Variants in ZNF883 observed in about 807,000 individuals in gnomAD.
The protein encoded by ZNF883 is zinc finger protein 883.
At chr9:112,996,033 T>C (rs1170611698), downstream of ZNF883, among the ~76,000 whole-genome samples, 1 of 152,166 alleles carries the variant, frequency 6.6e-6, no homozygotes, top group East Asian at 1.9e-4. Context: ...GAATTCAATG[T>C]ATAATTTTTG....
At chr9:112,991,315 C>A (rs1054925623) in intron 1 of ZNF883, among the ~76,000 whole-genome samples, 1 of 152,084 alleles carries the variant, frequency 6.6e-6, no homozygotes, top group Non-Finnish European at 1.5e-5. Context: ...TTTCAAAAAA[C>A]AATTTGATTT....
At chr9:112,997,963 A>G (rs774875440) in exon 1 of ZNF883, 3 of 1,613,816 alleles carry the variant, frequency 1.9e-6, no homozygotes, top group Non-Finnish European at 2.5e-6. Flanking sequence ...CACATTCATT[A>G]CACTCATAAG....
exon 1 of ZNF883, chr9:112,997,468 G>A: frequency 2.5e-6 from 4 of 1,614,046 alleles, no homozygotes; most frequent in South Asian, 1.1e-5. Flanking sequence ...TACAAACATA[G>A]GGCTTCTCTC....
At chr9:112,991,814 G>T (rs1828306184) in intron 1 of ZNF883, among the ~76,000 whole-genome samples, 1 of 152,168 alleles carries the variant, frequency 6.6e-6, no homozygotes, top group South Asian at 2.1e-4. Context: ...TTGTTGAATT[G>T]AATCCTTTAC....
chr9:113,011,648 A>G (rs761492710), intron 1 of ZNF883, among the ~76,000 whole-genome samples: 2 of 152,212 alleles, frequency 1.3e-5, no homozygotes, highest in African/African-American at 2.4e-5. Context: ...GAAACAAGCT[A>G]TCTCTAGAGA....
chr9:113,004,861 G>A, intron 2 of ZNF883, among the ~76,000 whole-genome samples: 1 of 150,872 alleles, frequency 6.6e-6, no homozygotes, highest in Non-Finnish European at 1.5e-5. Context: ...AGTGGCACAG[G>A]GATAGACTGA....
downstream of ZNF883, among the ~76,000 whole-genome samples, chr9:112,996,678 C>A (rs1276067525): frequency 6.7e-6 from 1 of 149,352 alleles, no homozygotes; most frequent in Non-Finnish European, 1.5e-5. Context: ...GTAGTCCCAG[C>A]TACTCGGGAG....
At chr9:112,991,420 C>T (rs1193948184) in intron 1 of ZNF883, among the ~76,000 whole-genome samples, 1 of 151,984 alleles carries the variant, frequency 6.6e-6, no homozygotes, top group Non-Finnish European at 1.5e-5. Flanking sequence ...ATCTTGTGTT[C>T]TAATTTGATT....
At chr9:112,990,443 C>CT (rs1828290966) in intron 1 of ZNF883, among the ~76,000 whole-genome samples, 1 of 152,174 alleles carries the variant, frequency 6.6e-6, no homozygotes, top group Admixed American at 6.5e-5. Context: ...TTGAATCAAC[C>CT]TTGCATCCCA....
chr9:113,002,085 A>G (rs1277400951), upstream of ZNF883: 1 of 152,204 alleles, frequency 6.6e-6, no homozygotes, highest in Non-Finnish European at 1.5e-5. Flanking sequence ...TAAAACATCA[A>G]ACAAGTACCT....
exon 1 of ZNF883, chr9:112,997,853 T>TG: frequency 6.2e-7 from 1 of 1,613,364 alleles, no homozygotes; most frequent in Non-Finnish European, 8.5e-7. Context: ...GGCAGAGATA[T>TG]GGCTGAAAGC....
chr9:112,992,856 A>G (rs1399564166), downstream of ZNF883, among the ~76,000 whole-genome samples: 2 of 151,940 alleles, frequency 1.3e-5, no homozygotes, highest in Admixed American at 6.6e-5. Context: ...TCTCCAGTCT[A>G]TTTGGTTATT....
At chr9:112,997,109 TC>T, downstream of ZNF883, 1 of 1,576,190 alleles carries the variant, frequency 6.3e-7, no homozygotes, top group African/African-American at 1.3e-5. Context: ...CTGCAGGCTT[TC>T]CCACACTCAT....
downstream of ZNF883, among the ~76,000 whole-genome samples, chr9:112,994,575 TTA>T (rs1828330819): frequency 6.6e-6 from 1 of 152,212 alleles, no homozygotes; most frequent in Non-Finnish European, 1.5e-5. Flanking sequence ...CATCTTTACA[TTA>T]TTTTTCCAAT....
downstream of ZNF883, among the ~76,000 whole-genome samples, chr9:112,994,178 A>G (rs1021719014): frequency 1.3e-5 from 2 of 152,146 alleles, no homozygotes; most frequent in African/African-American, 4.8e-5. Flanking sequence ...AGATCCATGG[A>G]AAAAGTGTGG....
chr9:112,993,331 A>C (rs181530259), downstream of ZNF883, among the ~76,000 whole-genome samples: 1 of 152,270 alleles, frequency 6.6e-6, no homozygotes, highest in East Asian at 1.9e-4. Flanking sequence ...TTCCACTCCC[A>C]TAGGGCTACT....
chr9:112,998,328 T>A (rs186305503), upstream of ZNF883: 1 of 1,242,070 alleles, frequency 8.1e-7, no homozygotes, highest in East Asian at 2.6e-5. Context: ...GGTGTTGGCT[T>A]TTCATTTATT....
At chr9:113,011,287 T>C (rs41280199) in intron 1 of ZNF883, 60 bp from the exon 2 acceptor site, 3,972 of 152,290 alleles carry the variant, frequency 0.026, 62 homozygotes, top group Non-Finnish European at 0.035. Context: ...CCTGTCTGAC[T>C]ACCTGGATAT....
At chr9:113,007,948 A>T (rs898998338) in intron 2 of ZNF883, among the ~76,000 whole-genome samples, 6 of 152,214 alleles carry the variant, frequency 3.9e-5, no homozygotes, top group South Asian at 2.1e-4. Context: ...AAGGAGAAAA[A>T]TTTCAAATTA....
Sources: allele counts gnomAD v4.1 joint callset (sites outside exome capture counted in the v4.1 genomes callset), GRCh38; gene constraint gnomAD v4.1.1; transcripts MANE v1.5; gene names NCBI Gene and HGNC (gene_info 2026-07-23, HGNC 2026-07-21).